Variants in C3orf33 observed in about 807,000 individuals in gnomAD.
C3orf33 encodes AP-1 activity suppressor.
In C3orf33, 23 loss-of-function variants were observed where a neutral mutation model predicts 28.7. That is an observed-to-expected ratio of 0.80 (90% CI 0.58 to 1.13). The LOEUF is 1.13. Ranked by LOEUF, C3orf33 falls within the 50% of genes most tolerant of loss-of-function variation. C3orf33 has a pLI of 0.00. For synonymous variants in C3orf33, 119 were observed against 120.5 expected (o/e 0.99, Z 0.08); for missense variants, 327 against 353.4 (o/e 0.93, Z 0.60).
chr3:155,796,626 G>T (rs1483215421), intron 2 of C3orf33, among the ~76,000 whole-genome samples: 3 of 152,044 alleles, frequency 2.0e-5, no homozygotes, highest in Non-Finnish European at 4.4e-5. Context: ...CTACTCAAAT[G>T]ATTCAAAAAA....
chr3:155,792,922 A>G lies in C3orf33; in HGVS notation c.174+9610T>C, dbSNP rs148670915. On this transcript the variant is annotated intron_variant, in intron 2 of 4. Transcript: ENST00000340171. The stretch of plus-strand genomic sequence containing the variant: ...GGGTAGAAAGTTTAGTCAAAGGGAT[A>G]ATAACAGAGAACGTACAAAATCTAG... 2.4e-3 allele frequency among the ~76,000 whole-genome samples: 360 copies of G among 152,306 alleles called. 2 individuals are homozygous for G. The highest frequency in any genetic ancestry group is 8.0e-3 in the African/African-American group (332 of 41,578).
chr3:155,771,320 C>A (rs1750585722), intron 3 of C3orf33, among the ~76,000 whole-genome samples: 2 of 152,146 alleles, frequency 1.3e-5, no homozygotes, highest in Admixed American at 6.6e-5. Flanking sequence ...TCACTTCTGT[C>A]ACCAAGGCTG....
At chr3:155,803,003 C>T (rs924195955) in intron 1 of C3orf33, among the ~76,000 whole-genome samples, 4 of 152,030 alleles carry the variant, frequency 2.6e-5, no homozygotes, top group African/African-American at 4.8e-5. Flanking sequence ...TCTAGTACTT[C>T]CTATACAGTA....
chr3:155,770,962 C>CTGTGTGTG (rs3068982), intron 3 of C3orf33, among the ~76,000 whole-genome samples: 19,522 of 129,840 alleles, frequency 0.15, 2,754 homozygotes, highest in East Asian at 0.41. Context: ...GCATGAACCA[C>CTGTGTGTG]TGTGTGTGTG....
intron 2 of C3orf33, among the ~76,000 whole-genome samples, chr3:155,800,655 A>ATGGATG (rs1228401417): frequency 6.8e-6 from 1 of 147,618 alleles, no homozygotes; most frequent in African/African-American, 2.5e-5. Context: ...AACATACAGA[A>ATGGATG]TGGATGTGAG....
intron 2 of C3orf33, among the ~76,000 whole-genome samples, chr3:155,793,338 C>A (rs1167589828): frequency 6.7e-6 from 1 of 149,784 alleles, no homozygotes; most frequent in African/African-American, 2.5e-5. Context: ...CAGACATGTC[C>A]TGCAAGAAAT....
chr3:155,767,051 G>A (rs1489050994), intron 4 of C3orf33, among the ~76,000 whole-genome samples: 8 of 152,050 alleles, frequency 5.3e-5, no homozygotes, highest in African/African-American at 1.4e-4. Context: ...TCAAGAGATC[G>A]AGACCATCCT....
chr3:155,784,079 G>A (rs1445028302), intron 2 of C3orf33, among the ~76,000 whole-genome samples: 3 of 152,000 alleles, frequency 2.0e-5, no homozygotes, highest in Non-Finnish European at 4.4e-5. Context: ...TTACAGGCAT[G>A]TGCCACCAGG....
At chr3:155,781,594 C>T (rs984471092) in intron 2 of C3orf33, among the ~76,000 whole-genome samples, 2 of 151,148 alleles carry the variant, frequency 1.3e-5, no homozygotes, top group African/African-American at 4.9e-5. Context: ...ACGGTGAAAC[C>T]CCATCTCTAC....
intron 3 of C3orf33, among the ~76,000 whole-genome samples, chr3:155,769,638 A>G (rs1750521657): frequency 6.6e-6 from 1 of 152,232 alleles, no homozygotes. Flanking sequence ...ATAATGAGTT[A>G]CAGAAAGCCT....
At chr3:155,785,955 A>G (rs1254442097) in intron 2 of C3orf33, among the ~76,000 whole-genome samples, 2 of 151,948 alleles carry the variant, frequency 1.3e-5, no homozygotes, top group African/African-American at 2.4e-5. Context: ...TGGGAGAATC[A>G]CCTGAGACAG....
At chr3:155,801,424 A>G (rs1176313053) in intron 2 of C3orf33, among the ~76,000 whole-genome samples, 1 of 152,230 alleles carries the variant, frequency 6.6e-6, no homozygotes, top group Non-Finnish European at 1.5e-5. Flanking sequence ...TTGTATATGC[A>G]TGTTCATAGC....
At chr3:155,775,912 G>T (rs941371322) in intron 2 of C3orf33, 64 bp from the exon 3 acceptor site, 1 of 1,237,602 alleles carries the variant, frequency 8.1e-7, no homozygotes, top group South Asian at 1.4e-5. Context: ...AATTTAAAAT[G>T]TCAAATTATC....
intron 3 of C3orf33, among the ~76,000 whole-genome samples, chr3:155,768,493 G>A (rs1159974401): frequency 2.0e-5 from 3 of 152,090 alleles, no homozygotes; most frequent in African/African-American, 7.2e-5. Context: ...AAGAAGACCT[G>A]TTTACCCAAA....
In C3orf33 at chr3:155,802,522, T is replaced by C; in HGVS notation, c.174+10A>G. ...GCTTGTTGTAATGTCTTTTTCATTTTTTAACTTACCAGTCGAATGCTTCTC... is the reference window on the plus strand; with the variant it reads ...GCTTGTTGTAATGTCTTTTTCATTTCTTAACTTACCAGTCGAATGCTTCTC... On this transcript the variant is annotated intron_variant, in intron 2 of 4. Transcript: ENST00000340171. 6.2e-7 allele frequency: 1 copy of C among 1,600,982 alleles called. No individual in the cohort carries two copies. The highest frequency in any genetic ancestry group is 8.5e-7 in the Non-Finnish European group (1 of 1,174,068).
chr3:155,790,295 C>T (rs1414384699), intron 2 of C3orf33, among the ~76,000 whole-genome samples: 2 of 144,424 alleles, frequency 1.4e-5, no homozygotes, highest in East Asian at 4.0e-4. Flanking sequence ...AGAGCAAAGA[C>T]CCAAACTCAA....
intron 3 of C3orf33, among the ~76,000 whole-genome samples, chr3:155,772,399 ACT>A (rs1750618827): frequency 6.6e-6 from 1 of 151,996 alleles, no homozygotes. Context: ...TGGGTGGGAA[ACT>A]CTGTGGCTAA....
intron 2 of C3orf33, 90 bp downstream of exon 2, chr3:155,802,442 A>C: frequency 1.1e-6 from 1 of 932,950 alleles, no homozygotes; most frequent in Non-Finnish European, 1.7e-6. Context: ...ACGAGTAACA[A>C]TATGATACAC....
chr3:155,772,323 C>T (rs895281666), intron 3 of C3orf33, among the ~76,000 whole-genome samples: 1 of 152,148 alleles, frequency 6.6e-6, no homozygotes, highest in East Asian at 1.9e-4. Flanking sequence ...AGAAAACCTA[C>T]AGACATGAGA....
Sources: gnomAD v4.1 joint callset for allele counts (sites outside exome capture counted in the v4.1 genomes callset) on GRCh38, gnomAD v4.1.1 for gene constraint, MANE v1.5 for transcripts, NCBI Gene and HGNC (gene_info 2026-07-23, HGNC 2026-07-21) for gene names.